The following LYPD6 variants were observed in gnomAD, a reference collection of about 807,000 sequenced individuals.
The protein encoded by LYPD6 is ly6/PLAUR domain-containing protein 6.
Under a neutral mutation model 22.7 loss-of-function variants are expected in LYPD6, and 15 were observed. That is an observed-to-expected ratio of 0.66 (90% CI 0.44 to 1.02). The LOEUF is 1.02. Ranked by LOEUF, LYPD6 falls within the 50% of genes least tolerant of loss-of-function variation. The pLI is 0.00. For missense variants in LYPD6, 189 were observed against 208.4 expected (o/e 0.91, Z 0.57); for synonymous variants, 72 against 77.5 (o/e 0.93, Z 0.37).
intron 3 of LYPD6, among the ~76,000 whole-genome samples, chr2:149,458,437 G>C (rs1681015304): frequency 6.6e-6 from 1 of 152,068 alleles, no homozygotes; most frequent in African/African-American, 2.4e-5. Context: ...CATTAGTAGA[G>C]GCTACATGGG....
At chr2:149,468,955 G>A (rs1260255060) in intron 4 of LYPD6, among the ~76,000 whole-genome samples, 180 bp downstream of exon 4, 1 of 152,196 alleles carries the variant, frequency 6.6e-6, no homozygotes, top group African/African-American at 2.4e-5. Context: ...ATTTATACCA[G>A]AGCATAGGAC....
chr2:149,479,815 T>C, the LYPD6 span, among the ~76,000 whole-genome samples: 3 of 152,166 alleles, frequency 2.0e-5, no homozygotes, highest in South Asian at 6.2e-4. Context: ...AAGTAGACTT[T>C]GAAATGCAAA....
intron 1 of LYPD6, among the ~76,000 whole-genome samples, chr2:149,335,657 C>T (rs939570810): frequency 6.6e-6 from 1 of 152,204 alleles, no homozygotes; most frequent in African/African-American, 2.4e-5. Context: ...CCCACTCACT[C>T]ACTTGCCACT....
chr2:149,334,883 G>T (rs1023782503), intron 1 of LYPD6, among the ~76,000 whole-genome samples: 1 of 151,988 alleles, frequency 6.6e-6, no homozygotes, highest in African/African-American at 2.4e-5. Context: ...GGTCCCATAC[G>T]AGTATAGTGG....
chr2:149,400,135 T>C (rs1280618727), intron 1 of LYPD6, among the ~76,000 whole-genome samples: 2 of 152,212 alleles, frequency 1.3e-5, no homozygotes, highest in African/African-American at 4.8e-5. Context: ...CCTGGTGCTT[T>C]TCCACCTGTG....
chr2:149,453,593 G>A (rs879206660), intron 3 of LYPD6, among the ~76,000 whole-genome samples: 1 of 152,200 alleles, frequency 6.6e-6, no homozygotes, highest in Non-Finnish European at 1.5e-5. Flanking sequence ...TAAAAGTAAA[G>A]AAAAAGCTGG....
Position 149,471,112 on chromosome 2 carries a change from T to TGC in LYPD6, c.*262_*263insGC. 1 of 332,530 alleles carries TGC rather than the reference T, an allele frequency of 3.0e-6. No homozygotes were observed. 20.6% of individuals were successfully genotyped at this position (332,530 alleles called of 1,614,324 possible). On this transcript the variant is annotated 3_prime_UTR_variant, in exon 5 of 5. Transcript: ENST00000334166. The stretch of plus-strand genomic sequence containing the variant: ...AAACGTTTGTTTTCATTCCAAGAAG[T>TGC]AGTTCTGCATTTATCGAGATCTGGG...
At chr2:149,343,237 A>G (rs1681195057) in intron 1 of LYPD6, among the ~76,000 whole-genome samples, 1 of 152,200 alleles carries the variant, frequency 6.6e-6, no homozygotes, top group Admixed American at 6.5e-5. Context: ...TGTACTGAAT[A>G]AGATCGAACA....
In LYPD6 at chr2:149,459,468, T is replaced by G. The variant is rs1288762839; in HGVS notation, c.218-9177T>G. ...CATCAGAAAGGAAGAAAAAACTTAG[T>G]AAACGTACTTGATACTACAATGCAG... On this transcript the variant is annotated intron_variant, in intron 3 of 4. Transcript: ENST00000334166. 1.3e-5 allele frequency among the ~76,000 whole-genome samples: 2 copies of G among 152,218 alleles called. 1 individual carries two copies. The highest frequency in any genetic ancestry group is 4.1e-4 in the South Asian group (2 of 4,828).
intron 2 of LYPD6, among the ~76,000 whole-genome samples, chr2:149,440,700 T>G (rs1320053347): frequency 7.3e-6 from 1 of 137,100 alleles, no homozygotes; most frequent in Non-Finnish European, 1.6e-5. Flanking sequence ...CACCTTTTTT[T>G]TTTTTTTTTT....
At chr2:149,370,754 G>A (rs1364171571) in intron 1 of LYPD6, 1 of 152,218 alleles carries the variant, frequency 6.6e-6, no homozygotes, top group African/African-American at 2.4e-5. Context: ...AAATATGAAT[G>A]TGTCACTCCA....
intron 1 of LYPD6, among the ~76,000 whole-genome samples, chr2:149,357,657 G>A (rs1681473109): frequency 6.6e-6 from 1 of 152,030 alleles, no homozygotes; most frequent in Non-Finnish European, 1.5e-5. Flanking sequence ...CTTTGTTTTT[G>A]ACATGATGGT....
chr2:149,409,448 G>C (rs1682805342), intron 1 of LYPD6, among the ~76,000 whole-genome samples: 1 of 152,174 alleles, frequency 6.6e-6, no homozygotes, highest in Admixed American at 6.5e-5. Context: ...ATGCACACTT[G>C]CCCTAGGGAC....
chr2:149,366,817 A>G (rs1559126227), intron 1 of LYPD6, among the ~76,000 whole-genome samples: 1 of 152,196 alleles, frequency 6.6e-6, no homozygotes, highest in African/African-American at 2.4e-5. Context: ...TAAATAAACC[A>G]ATGGAGCCTG....
At chr2:149,478,965 C>T (rs1681482291), downstream of LYPD6, among the ~76,000 whole-genome samples, 1 of 152,142 alleles carries the variant, frequency 6.6e-6, no homozygotes, top group African/African-American at 2.4e-5. Flanking sequence ...CTTTAGTACC[C>T]TCTACAGCCA....
At chr2:149,338,435 A>T (rs966263000) in intron 1 of LYPD6, among the ~76,000 whole-genome samples, 3 of 152,222 alleles carry the variant, frequency 2.0e-5, no homozygotes, top group African/African-American at 2.4e-5. Flanking sequence ...CATACCTCCA[A>T]AATTATGTGT....
chr2:149,377,310 T>TG (rs1681944492), intron 1 of LYPD6, among the ~76,000 whole-genome samples: 1 of 141,716 alleles, frequency 7.1e-6, no homozygotes, highest in African/African-American at 2.6e-5. Context: ...GCTTAATCAC[T>TG]GGAAAAAAAA....
intron 1 of LYPD6, among the ~76,000 whole-genome samples, chr2:149,423,876 C>T (rs1683135051): frequency 6.6e-6 from 1 of 152,124 alleles, no homozygotes; most frequent in Admixed American, 6.5e-5. Flanking sequence ...CTTTAATATG[C>T]TTATGTGTAT....
chr2:149,361,056 GA>G (rs1245932499), intron 1 of LYPD6, among the ~76,000 whole-genome samples: 1 of 152,142 alleles, frequency 6.6e-6, no homozygotes, highest in Non-Finnish European at 1.5e-5. Flanking sequence ...ATTAAGATGA[GA>G]AAAACAAGTT....
Sources: allele counts gnomAD v4.1 joint callset (sites outside exome capture counted in the v4.1 genomes callset), GRCh38; gene constraint gnomAD v4.1.1; transcripts MANE v1.5; gene names NCBI Gene and HGNC (gene_info 2026-07-23, HGNC 2026-07-21).